TRPC7: variants seen among roughly 807,000 people sequenced by gnomAD.
The protein encoded by TRPC7 is short transient receptor potential channel 7.
In TRPC7, 42 loss-of-function variants were observed where a neutral mutation model predicts 90.1. The ratio of observed to expected loss-of-function variants is 0.47; its 90% CI spans 0.36 to 0.60. TRPC7 has a LOEUF of 0.60. Ranked by LOEUF, TRPC7 falls within the 20% of genes least tolerant of loss-of-function variation. The probability of loss-of-function intolerance (pLI) is 0.00; values close to 1 mark genes in which losing one functional copy is unlikely to be tolerated. For missense variants in TRPC7, 955 were observed against 1,112.3 expected, an observed-to-expected ratio of 0.86 and a Z score of 2.01; for synonymous variants, 451 against 436.3, an observed-to-expected ratio of 1.03 and a Z score of -0.42.
intron 3 of TRPC7, among the ~76,000 whole-genome samples, chr5:136,307,656 C>T (rs968499982): frequency 2.6e-5 from 4 of 152,154 alleles, no homozygotes; most frequent in Admixed American, 1.3e-4. Context: ...TGTCTGGAGA[C>T]GTTTTTGGTT....
In TRPC7 at chr5:136,310,332, A is replaced by AT. The variant is rs35266465; in HGVS notation, c.963+5264dup. ...GTGAATGAATAAAAATCATAGGGGAATTTTTTTTAAAAATACAACAGTGTG... is the reference window on the plus strand; with the variant it reads ...GTGAATGAATAAAAATCATAGGGGAATTTTTTTTTAAAAATACAACAGTGTG... On this transcript the variant is annotated intron_variant, in intron 3 of 11. Coordinates refer to ENST00000513104, the MANE Select transcript of TRPC7 (RefSeq NM_020389.3). 2.9e-3 allele frequency among the ~76,000 whole-genome samples: 441 copies of AT among 152,076 alleles called. 8 individuals carry two copies. The highest frequency in any genetic ancestry group is 9.6e-4 in the African/African-American group (40 of 41,486).
intron 3 of TRPC7, among the ~76,000 whole-genome samples, chr5:136,301,217 G>A (rs142301998): frequency 0.018 from 2,688 of 152,016 alleles, 71 homozygotes; most frequent in African/African-American, 0.06. Context: ...AGTAGAGATG[G>A]GGTTTCATCA....
chr5:136,225,988 C>G (rs775250939), intron 9 of TRPC7, 46 bp downstream of exon 9: 178 of 1,506,214 alleles, frequency 1.2e-4, no homozygotes, highest in Non-Finnish European at 1.4e-4. Flanking sequence ...ACTCGCCTGC[C>G]CCCTCCTGCT....
intron 2 of TRPC7, among the ~76,000 whole-genome samples, chr5:136,341,656 T>C (rs1233477546): frequency 6.6e-6 from 1 of 152,178 alleles, no homozygotes; most frequent in Non-Finnish European, 1.5e-5. Context: ...ATATATTCCT[T>C]TGATTAAAAA....
intron 3 of TRPC7, among the ~76,000 whole-genome samples, chr5:136,285,360 C>T (rs1241059146): frequency 6.6e-6 from 1 of 152,180 alleles, no homozygotes; most frequent in Non-Finnish European, 1.5e-5. Context: ...ATTTAAATTG[C>T]AGCATCAGAC....
chr5:136,265,465 GA>G, intron 5 of TRPC7, among the ~76,000 whole-genome samples: 1 of 152,066 alleles, frequency 6.6e-6, no homozygotes, highest in East Asian at 1.9e-4. Context: ...TACTAAGACT[GA>G]TTTTTTTTTA....
chr5:136,260,136 C>T (rs1756809381), intron 5 of TRPC7, among the ~76,000 whole-genome samples: 1 of 152,160 alleles, frequency 6.6e-6, no homozygotes, highest in African/African-American at 2.4e-5. Flanking sequence ...TTGTTGTCAA[C>T]ACAAGTGGCC....
At chr5:136,309,394 A>G (rs1378255947) in intron 3 of TRPC7, among the ~76,000 whole-genome samples, 2 of 152,032 alleles carry the variant, frequency 1.3e-5, no homozygotes, top group East Asian at 1.9e-4. Context: ...AATTTTTCCC[A>G]TTTTTTTACT....
In TRPC7 at chr5:136,356,628, T is replaced by G. The variant is rs1561732404; in HGVS notation, c.760A>C (p.Asn254His). 1 of 1,541,104 alleles carries G rather than the reference T, an allele frequency of 6.5e-7. No individual in the cohort carries two copies. The highest frequency in any genetic ancestry group is 1.8e-4 in the Middle Eastern group (1 of 5,674). Reference sequence around the variant, plus strand: ...GTTACCTTAAATTCAGTCTCAATGTTGGCTAGTCTGGCTAACTCGTTGCTG... The same window carrying G: ...GTTACCTTAAATTCAGTCTCAATGTGGGCTAGTCTGGCTAACTCGTTGCTG... ...ELSNELARLA[N>H]IETEFKNDYR... is the part of the protein sequence containing the mutation. Residue 254 changes from asparagine (N) to histidine (H), a missense_variant, in exon 2 of 12, where the codon AAC becomes CAC. By Grantham distance (68) the Asn-to-His change is moderately conservative (BLOSUM62 1). Coordinates refer to ENST00000513104, the MANE Select transcript of TRPC7 (RefSeq NM_020389.3).
intron 3 of TRPC7, among the ~76,000 whole-genome samples, chr5:136,289,313 G>A (rs935227403): frequency 1.3e-5 from 2 of 152,236 alleles, no homozygotes; most frequent in African/African-American, 4.8e-5. Context: ...AGTGGGTGCA[G>A]TGCACCATGC....
At chr5:136,237,171 C>A (rs947426895) in intron 7 of TRPC7, among the ~76,000 whole-genome samples, 1 of 152,132 alleles carries the variant, frequency 6.6e-6, no homozygotes, top group Non-Finnish European at 1.5e-5. Flanking sequence ...CCTTCCTTGG[C>A]CCTGCAAAGT....
chr5:136,307,717 A>G (rs1758688956), intron 3 of TRPC7, among the ~76,000 whole-genome samples: 1 of 152,152 alleles, frequency 6.6e-6, no homozygotes. Context: ...GTATGCTGCT[A>G]AACAGCCTAT....
In TRPC7 at chr5:136,365,144, C is replaced by A. The variant is rs77579790; in HGVS notation, c.2+109G>T. 11,454 of 1,228,786 alleles carry A rather than the reference C, an allele frequency of 9.3e-3. 677 individuals carry two copies. In the East Asian group the frequency reaches 0.14, roughly 15 times the overall value. 76.1% of individuals were successfully genotyped at this position (1,228,786 alleles called of 1,614,324 possible). A position where few individuals can be genotyped will look rare whatever the true frequency, so the allele number is the denominator to read the frequency against. On this transcript the variant is annotated intron_variant, in intron 1 of 11. Coordinates refer to ENST00000513104, the MANE Select transcript of TRPC7 (RefSeq NM_020389.3). ...GATCCATCTAAAAATCTAAGCAGTG[C>A]ACTAGAGGAAGAAGGCTGATAAATG...
At chr5:136,299,835 G>A (rs1455306093) in intron 3 of TRPC7, among the ~76,000 whole-genome samples, 2 of 152,184 alleles carry the variant, frequency 1.3e-5, no homozygotes, top group Admixed American at 6.5e-5. Flanking sequence ...GCTAGTAAAT[G>A]CATCTGATTT....
intron 3 of TRPC7, among the ~76,000 whole-genome samples, chr5:136,282,508 A>T (rs907885348): frequency 1.3e-5 from 2 of 152,180 alleles, no homozygotes; most frequent in African/African-American, 4.8e-5. Context: ...GATAATGCTG[A>T]TGTAGGTGTA....
At chr5:136,321,021 T>C (rs1012269355) in intron 2 of TRPC7, among the ~76,000 whole-genome samples, 1 of 152,196 alleles carries the variant, frequency 6.6e-6, no homozygotes, top group Non-Finnish European at 1.5e-5. Context: ...TTCACAAATA[T>C]ATCCTGAGAT....
chr5:136,363,401 T>C (rs1760627594), intron 1 of TRPC7, among the ~76,000 whole-genome samples: 1 of 152,174 alleles, frequency 6.6e-6, no homozygotes, highest in African/African-American at 2.4e-5. Flanking sequence ...AATATATTAA[T>C]TGTGGGTTTA....
chr5:136,219,972 G>A (rs960299397), intron 10 of TRPC7, among the ~76,000 whole-genome samples: 2 of 152,210 alleles, frequency 1.3e-5, no homozygotes, highest in Non-Finnish European at 1.5e-5. Flanking sequence ...GGAACGGCTG[G>A]AGCTGCGGCA....
At chr5:136,213,748 C>G in intron 11 of TRPC7, 144 bp from the exon 12 acceptor site, 1 of 811,002 alleles carries the variant, frequency 1.2e-6, no homozygotes, top group Non-Finnish European at 1.9e-6. Flanking sequence ...GCAAGGGGGG[C>G]TCTATTTGAA....
Sources: allele counts gnomAD v4.1 joint callset (sites outside exome capture counted in the v4.1 genomes callset), GRCh38; gene constraint gnomAD v4.1.1; transcripts MANE v1.5; gene names NCBI Gene and HGNC (gene_info 2026-07-23, HGNC 2026-07-21).